Variants in ANKRD30A observed in about 807,000 individuals in gnomAD.
ANKRD30A encodes the protein ankyrin repeat domain 30A, also known as ankyrin repeat domain-containing protein 30A.
Under a neutral mutation model 166.3 loss-of-function variants are expected in ANKRD30A, and 170 were observed. The observed-to-expected ratio is 1.02, with a 90% CI of 0.90 to 1.16. The LOEUF is 1.16. Among genes scored for constraint, ANKRD30A ranks in the 50% most tolerant of loss-of-function variants. ANKRD30A has a pLI of 0.00. For synonymous variants in ANKRD30A, 564 were observed against 508.9 expected, an observed-to-expected ratio of 1.11 and a Z score of -1.46; for missense variants, 1,630 against 1,518.0, an observed-to-expected ratio of 1.07 and a Z score of -1.23.
intron 31 of ANKRD30A, among the ~76,000 whole-genome samples, chr10:37,207,912 A>T (rs939005248): frequency 6.6e-6 from 1 of 152,148 alleles, no homozygotes; most frequent in Non-Finnish European, 1.5e-5. Flanking sequence ...CTATGTCATA[A>T]AGTTTGCTGA....
chr10:37,232,597 C>T (rs556646946), downstream of ANKRD30A: 1 of 138,048 alleles, frequency 7.2e-6, no homozygotes, highest in South Asian at 2.5e-4. Context: ...GAATCAATTT[C>T]TGGAGATCCC....
At chr10:37,223,580 C>CT (rs748327520) in intron 34 of ANKRD30A, among the ~76,000 whole-genome samples, 34 of 151,092 alleles carry the variant, frequency 2.3e-4, no homozygotes, top group Non-Finnish European at 2.7e-4. Context: ...TGCATAAAAA[C>CT]TTTTTTACCA....
chr10:37,248,482 C>A, the ANKRD30A span, among the ~76,000 whole-genome samples: 1 of 152,180 alleles, frequency 6.6e-6, no homozygotes, highest in Non-Finnish European at 1.5e-5. Flanking sequence ...CTCCTTCCTG[C>A]TTCCCCCCAT....
chr10:37,136,193 T>C (rs1358401621), intron 5 of ANKRD30A, among the ~76,000 whole-genome samples: 1 of 152,220 alleles, frequency 6.6e-6, no homozygotes, highest in African/African-American at 2.4e-5. Context: ...TTTTAAAATG[T>C]TATCTTGTTA....
rs780457418 is a variant in ANKRD30A at position 37,217,873 on chromosome 10, A to C, written c.3262A>C (p.Asn1088His). ...ATTGAAGAGTGTAGAAAGTAATTTG[A>C]ATCAGGTAAATCAATCTCTGATAAA... The part of the protein sequence containing the change: ...IELKSVESNL[N>H]QVSHTHENEN... The change falls in exon 33 of 36, where the codon AAT becomes CAT. Residue 1088 changes from asparagine to histidine, a missense_variant. This residue lies in a region of ANKRD30A where 712 missense variants were observed against 629.3 expected (regional missense o/e 1.13). Transcript: ENST00000361713. 2 of 1,526,322 alleles carry C rather than the reference A, an allele frequency of 1.3e-6. No individual in the cohort carries two copies. The highest frequency in any genetic ancestry group is 1.8e-6 in the Non-Finnish European group (2 of 1,142,488). The allele number at this position is 1,526,322 out of a possible 1,614,324, so 94.5% of individuals were successfully genotyped here.
rs141769116 is a variant in ANKRD30A at position 37,148,258 on chromosome 10, A to G, written c.1543+801A>G. ...ATGTGGAAGAAGAGCAATTGGATAA[A>G]AGGATAAGACAAAACAGGGTCAAGA... On this transcript the variant is annotated intron_variant, in intron 9 of 35. Transcript: ENST00000361713. Among the ~76,000 whole-genome samples, 60 of 152,194 alleles carry G rather than the reference A, an allele frequency of 3.9e-4. 1 individual carries two copies. The East Asian group carries it at 0.01, about 26-fold the overall frequency.
At position 37,142,178 on chromosome 10, in the gene ANKRD30A, G is replaced by T. The variant is rs778952605; in HGVS notation, c.1281G>T (p.Lys427Asn). ...GGGAGAAAAAAGAAACACCTGTAAA[G>T]ACTGGATGCGTGGCAAGAGTAACAT... ...IAWEKKETPV[K>N]TGCVARVTSN... The change falls in exon 7 of 36, where the codon AAG (lysine) becomes AAT (asparagine). Residue 427 changes from lysine to asparagine, a missense_variant. Around this residue, in one of 4 missense-constraint regions of ANKRD30A, gnomAD observed 904 missense variants for 818.5 expected, o/e 1.10. Coordinates refer to ENST00000361713, the MANE Select transcript of ANKRD30A (RefSeq NM_052997.3). 1 of 1,614,010 alleles carries T rather than the reference G, an allele frequency of 6.2e-7. No individual in the cohort carries two copies.
In ANKRD30A at chr10:37,219,065, T is replaced by C. The variant is rs1443322150; in HGVS notation, c.3353T>C (p.Ile1118Thr). Residue 1118 changes from isoleucine to threonine, a missense_variant, in exon 34 of 36, where the codon ATA (isoleucine) becomes ACA (threonine). Ile to Thr is a moderately conservative substitution (Grantham distance 89, BLOSUM62 -1). This residue lies in a region of ANKRD30A where 712 missense variants were observed against 629.3 expected (regional missense o/e 1.13). Coordinates refer to ENST00000361713, the MANE Select transcript of ANKRD30A (RefSeq NM_052997.3). The stretch of plus-strand genomic sequence containing the variant: ...GAAATTGCCATGCTAAAACTGGAAA[T>C]AGCCACACTGAAACACCAATACCAG... ...KKEIAMLKLE[I>T]ATLKHQYQEK... 1 of 1,608,042 alleles carries C rather than the reference T, an allele frequency of 6.2e-7. No individual in the cohort carries two copies. Among genetic ancestry groups the C allele is most frequent in the Non-Finnish European group, 8.5e-7 (1 of 1,176,352 alleles).
intron 31 of ANKRD30A, among the ~76,000 whole-genome samples, chr10:37,205,455 G>T (rs879681967): frequency 6.6e-6 from 1 of 151,700 alleles, no homozygotes; most frequent in Non-Finnish European, 1.5e-5. Context: ...GTCATGGGGT[G>T]GGGGGAGGTG....
At chr10:37,236,702 T>G (rs75495697), downstream of ANKRD30A, among the ~76,000 whole-genome samples, 2,700 of 152,324 alleles carry the variant, frequency 0.018, 41 homozygotes, top group Non-Finnish European at 0.025. Flanking sequence ...GTGTACCAAT[T>G]AATGACAAGA....
rs869026268 is a variant in ANKRD30A, at chr10:37,142,570, C to CTTTT, written c.1393+307_1393+310dup. ...GGTACAGGGATATCATAGGATCACA[C>CTTTT]TTTTTTTTTTTTTTTTTTTTTTTTT... is the stretch of plus-strand genomic sequence containing the variant. On this transcript the variant is annotated intron_variant, in intron 7 of 35. Transcript: ENST00000361713. 9.6e-4 allele frequency among the ~76,000 whole-genome samples: 76 copies of CTTTT among 78,972 alleles called. 3 individuals are homozygous for CTTTT. The highest frequency in any genetic ancestry group is 1.0e-3 in the African/African-American group (18 of 17,656). The allele number at this position is 78,972 out of a possible 152,430, so 51.8% of individuals were successfully genotyped here. A position where few individuals can be genotyped will look rare whatever the true frequency, so the allele number is the denominator to read the frequency against.
the ANKRD30A span, among the ~76,000 whole-genome samples, chr10:37,239,823 T>C: frequency 3.9e-4 from 59 of 152,234 alleles, 1 homozygote; most frequent in South Asian, 0.012. Context: ...GCAATTCTCA[T>C]GTTAGGTATA....
chr10:37,217,019 A>C lies in ANKRD30A; in HGVS notation c.3083+625A>C, dbSNP rs1244635635. Among the ~76,000 whole-genome samples the C allele has an allele frequency of 2.0e-5, 3 of 151,010 alleles. No individual in the cohort carries two copies. The East Asian group carries it at 5.8e-4, about 29-fold the overall frequency. ...GCTGTCCTACATAAAATGAATTCAG[A>C]GTTCTATGTTAAAAATGCATACTAT... On this transcript the variant is annotated intron_variant, in intron 32 of 35. Coordinates refer to ENST00000361713, the MANE Select transcript of ANKRD30A (RefSeq NM_052997.3).
intron 21 of ANKRD30A, among the ~76,000 whole-genome samples, chr10:37,172,128 G>C (rs557920459): frequency 8.4e-6 from 1 of 119,500 alleles, no homozygotes; most frequent in Non-Finnish European, 1.8e-5. Context: ...GGCAGATCAC[G>C]AGGTGAGGAG....
chr10:37,150,796 G>A (rs1837877840), intron 11 of ANKRD30A, among the ~76,000 whole-genome samples: 1 of 152,056 alleles, frequency 6.6e-6, no homozygotes, highest in African/African-American at 2.4e-5. Flanking sequence ...TCAGATTTCA[G>A]ACTCTTTCAA....
At chr10:37,263,842 G>A in the ANKRD30A span, among the ~76,000 whole-genome samples, 2 of 152,190 alleles carry the variant, frequency 1.3e-5, no homozygotes, top group Non-Finnish European at 2.9e-5. Context: ...CAGGTTAAAT[G>A]TGATGATGTC....
At chr10:37,126,112 G>T in intron 1 of ANKRD30A, 104 bp downstream of exon 1, 1 of 1,265,280 alleles carries the variant, frequency 7.9e-7, no homozygotes. Context: ...GAAGGGAGCA[G>T]GTGGAGGAGT....
At position 37,193,681 on chromosome 10, in the gene ANKRD30A, G is replaced by GT. The variant is rs965766470; in HGVS notation, c.2614+433dup. ...CACTCTGAGAATCTTAAGAAAATCAGTTTTTTTTTTATTAGATGACTGTGT... is the reference window on the plus strand; with the variant it reads ...CACTCTGAGAATCTTAAGAAAATCAGTTTTTTTTTTTATTAGATGACTGTGT... On this transcript the variant is annotated intron_variant, in intron 27 of 35. Coordinates refer to ENST00000361713, the MANE Select transcript of ANKRD30A (RefSeq NM_052997.3). 5.0e-4 allele frequency among the ~76,000 whole-genome samples: 75 copies of GT among 148,658 alleles called. 1 individual carries two copies. The highest frequency in any genetic ancestry group is 2.6e-3 in the South Asian group (12 of 4,696).
the ANKRD30A span, among the ~76,000 whole-genome samples, chr10:37,263,602 C>T: frequency 1.8e-4 from 28 of 152,072 alleles, no homozygotes; most frequent in African/African-American, 6.7e-4. Flanking sequence ...CAATAGGGTT[C>T]GTGCTCCTAT....
Sources: gnomAD v4.1 joint callset for allele counts (sites outside exome capture counted in the v4.1 genomes callset) on GRCh38, gnomAD v4.1.1 for gene constraint, gnomAD v4.1.1 regional missense constraint, MANE v1.5 for transcripts, NCBI Gene and HGNC (gene_info 2026-07-23, HGNC 2026-07-21) for gene names.